RMC1: variants seen among roughly 807,000 people sequenced by gnomAD.
RMC1 encodes the protein regulator of MON1-CCZ1 complex.
In RMC1, 44 loss-of-function variants were observed where a neutral mutation model predicts 95.5. The ratio of observed to expected loss-of-function variants is 0.46; its 90% CI spans 0.36 to 0.59. The LOEUF is 0.59. RMC1 is among the 20% of genes least tolerant of loss of function. The probability of loss-of-function intolerance (pLI) is 0.00; values close to 1 mark genes in which losing one functional copy is unlikely to be tolerated. For synonymous variants in RMC1, 320 were observed against 303.6 expected (o/e 1.05, Z -0.56); for missense variants, 705 against 819.6 (o/e 0.86, Z 1.71).
intron 12 of RMC1, among the ~76,000 whole-genome samples, chr18:23,524,805 G>C (rs1652335): frequency 6.6e-6 from 1 of 151,826 alleles, no homozygotes; most frequent in Admixed American, 6.6e-5. Flanking sequence ...TTCTCCCATC[G>C]ACCTTCCCAC....
intron 9 of RMC1, among the ~76,000 whole-genome samples, chr18:23,519,416 GC>G: frequency 1.3e-5 from 2 of 152,238 alleles, no homozygotes; most frequent in Admixed American, 1.3e-4. Flanking sequence ...TACTTGTGGG[GC>G]TAAGGCTGGA....
chr18:23,530,240 G>A lies in RMC1; in HGVS notation c.1611G>A (p.Leu537=). 1 of 1,614,190 alleles carries A rather than the reference G, an allele frequency of 6.2e-7. No homozygotes were observed. The highest frequency in any genetic ancestry group is 1.1e-5 in the South Asian group (1 of 91,088). ...LSDSKPLACL[L]LSLESFYPPA... ...AAAATGTCTTTCAGGCTTGTCTGCT[G>A]TTATCCCTAGAGAGTTTCTATCCTC... Residue 537 remains leucine, a synonymous_variant, in exon 18 of 20, where the codon CTG becomes CTA. Coordinates refer to ENST00000269221, the MANE Select transcript of RMC1 (RefSeq NM_013326.5).
chr18:23,516,096 G>T (rs571330195), intron 6 of RMC1, 100 bp downstream of exon 6: 1 of 1,549,414 alleles, frequency 6.5e-7, no homozygotes, highest in Admixed American at 1.7e-5. Context: ...GGTTCCTCTA[G>T]CCGTAACGTC....
intron 2 of RMC1, chr18:23,504,796 G>A: frequency 5.1e-6 from 1 of 197,636 alleles, no homozygotes; most frequent in Non-Finnish European, 1.1e-5. Context: ...AGAGTGGCAG[G>A]TGGAGGAGAT....
At chr18:23,527,644 C>T in intron 13 of RMC1, 151 bp from the exon 14 acceptor site, 14 of 220,604 alleles carry the variant, frequency 6.3e-5, no homozygotes, top group South Asian at 1.2e-4. Flanking sequence ...CGAATGACAT[C>T]TAGCTGTCAG....
At chr18:23,516,041 C>G (rs751862809) in intron 6 of RMC1, 45 bp downstream of exon 6, 1 of 1,612,824 alleles carries the variant, frequency 6.2e-7, no homozygotes, top group Admixed American at 1.7e-5. Context: ...CCCCAGTTGT[C>G]CCCTGTTCCT....
intron 2 of RMC1, among the ~76,000 whole-genome samples, chr18:23,505,072 T>G (rs1482838904): frequency 6.6e-6 from 1 of 152,090 alleles, no homozygotes; most frequent in African/African-American, 2.4e-5. Context: ...AACTGTCCTT[T>G]TTTGAGAGGG....
At position 23,503,596 on chromosome 18, in the gene RMC1, CCGCCGCGGGCG is replaced by C; in HGVS notation, c.-20_-10del. On this transcript the variant is annotated 5_prime_UTR_variant, in exon 1 of 20. Transcript: ENST00000269221. ...ACTCTGGCGACCGCCCCCGGGGCCCCCGCCGCGGGCGCGGCGCCCGCCATGGGCGAGGAGGA... is the reference window on the plus strand; with the variant it reads ...ACTCTGGCGACCGCCCCCGGGGCCCCCGGCGCCCGCCATGGGCGAGGAGGA... 2.0e-6 allele frequency: 3 copies of C among 1,536,976 alleles called. No individual in the cohort carries two copies. Among genetic ancestry groups the C allele is most frequent in the Non-Finnish European group, 2.6e-6 (3 of 1,141,126 alleles).
intron 5 of RMC1, 49 bp from the exon 6 acceptor site, chr18:23,515,807 A>G: frequency 1.2e-6 from 2 of 1,610,336 alleles, no homozygotes; most frequent in Non-Finnish European, 1.7e-6. Flanking sequence ...TGCTGGGATT[A>G]GTTTGCCGTT....
At position 23,516,436 on chromosome 18, in the gene RMC1, CAG is replaced by C; in HGVS notation, c.653+19_653+20del. 6.2e-7 allele frequency: 1 copy of C among 1,610,846 alleles called. No individual in the cohort carries two copies. Among genetic ancestry groups the C allele is most frequent in the East Asian group, 2.2e-5 (1 of 44,874 alleles). On this transcript the variant is annotated intron_variant, in intron 7 of 19. Coordinates refer to ENST00000269221, the MANE Select transcript of RMC1 (RefSeq NM_013326.5). ...CAATGGCTACCATGTATGTCCGTGT[CAG>C]AGAGAATTCCATCCTGTGATTGCTT... is the stretch of plus-strand genomic sequence containing the variant.
intron 10 of RMC1, among the ~76,000 whole-genome samples, chr18:23,523,515 AGC>A (rs1199707652): frequency 3.9e-5 from 5 of 129,824 alleles, no homozygotes; most frequent in Non-Finnish European, 7.8e-5. Context: ...GTTGGAGACC[AGC>A]CTAGGTAACA....
At chr18:23,530,815 CGAG>C (rs2058473569) in intron 19 of RMC1, among the ~76,000 whole-genome samples, 1 of 152,220 alleles carries the variant, frequency 6.6e-6, no homozygotes, top group East Asian at 1.9e-4. Context: ...TGGAACTCAC[CGAG>C]GAGGTGTGTT....
intron 19 of RMC1, 182 bp from the exon 20 acceptor site, chr18:23,531,441 ATC>A: frequency 2.4e-6 from 3 of 1,263,016 alleles, no homozygotes; most frequent in Non-Finnish European, 3.2e-6. Context: ...GTTAGATAGA[ATC>A]TCTTCCATTT....
intron 9 of RMC1, 122 bp from the exon 10 acceptor site, chr18:23,520,080 T>C (rs2058103168): frequency 2.8e-6 from 2 of 705,750 alleles, no homozygotes; most frequent in Admixed American, 2.2e-5. Flanking sequence ...AGAGCTAGCC[T>C]GTAGGGAGGA....
chr18:23,504,912 C>CA (rs1433142729), intron 2 of RMC1, among the ~76,000 whole-genome samples: 1 of 152,194 alleles, frequency 6.6e-6, no homozygotes, highest in Non-Finnish European at 1.5e-5. Context: ...TGATCAACAG[C>CA]AGGGCCTTTC....
At position 23,530,411 on chromosome 18, in the gene RMC1, A is replaced by C. The variant is rs775562196; in HGVS notation, c.1693A>C (p.Ile565Leu). 1 of 1,614,250 alleles carries C rather than the reference A, an allele frequency of 6.2e-7. No individual in the cohort carries two copies. Among genetic ancestry groups the C allele is most frequent in the South Asian group, 1.1e-5 (1 of 91,086 alleles). The part of the protein sequence containing the change: ...LKRLSTANDE[I>L]VEVLLSKHQV... Reference sequence around the variant, plus strand: ...GCGACTTTCAACAGCAAATGATGAAATAGTAGAAGTTCTCCTTTCCAAACA... The same window carrying C: ...GCGACTTTCAACAGCAAATGATGAACTAGTAGAAGTTCTCCTTTCCAAACA... The change falls in exon 19 of 20, where the codon ATA (isoleucine) becomes CTA (leucine). Residue 565 changes from isoleucine to leucine, a missense_variant. Coordinates refer to ENST00000269221, the MANE Select transcript of RMC1 (RefSeq NM_013326.5).
chr18:23,509,984 CTT>C (rs71163612), intron 5 of RMC1, among the ~76,000 whole-genome samples: 67 of 122,038 alleles, frequency 5.5e-4, no homozygotes, highest in Non-Finnish European at 7.8e-4. Context: ...GGATTTTATT[CTT>C]TTTTTTTTTT....
intron 13 of RMC1, among the ~76,000 whole-genome samples, chr18:23,527,144 G>C (rs2058321671): frequency 6.7e-6 from 1 of 150,134 alleles, no homozygotes; most frequent in African/African-American, 2.5e-5. Flanking sequence ...AGCACTCTGG[G>C]AGGCTGAAGC....
chr18:23,517,390 T>A (rs865839119), intron 7 of RMC1, among the ~76,000 whole-genome samples: 1 of 152,100 alleles, frequency 6.6e-6, no homozygotes, highest in Middle Eastern at 3.2e-3. Context: ...CCTCTTGATC[T>A]GCCCTCCTCA....
Sources: allele counts gnomAD v4.1 joint callset (sites outside exome capture counted in the v4.1 genomes callset), GRCh38; gene constraint gnomAD v4.1.1; transcripts MANE v1.5; gene names NCBI Gene and HGNC (gene_info 2026-07-23, HGNC 2026-07-21).